Variants in DLG2 observed in about 807,000 individuals in gnomAD.
DLG2 encodes disks large homolog 2.
In DLG2, 45 loss-of-function variants were observed where a neutral mutation model predicts 132.5. The observed-to-expected ratio is 0.34, with a 90% confidence interval of 0.27 to 0.44. The LOEUF (loss-of-function observed/expected upper bound fraction) is 0.44. DLG2 is among the 20% of genes least tolerant of loss of function. The probability of loss-of-function intolerance (pLI) is 1.00; values close to 1 mark genes in which losing one functional copy is unlikely to be tolerated. For missense variants in DLG2, 1,045 were observed against 1,196.9 expected (o/e 0.87, Z 1.87); for synonymous variants, 424 against 419.6 (o/e 1.01, Z -0.13).
intron 6 of DLG2, among the ~76,000 whole-genome samples, chr11:85,005,686 A>G (rs1240451631): frequency 6.6e-6 from 1 of 152,090 alleles, no homozygotes; most frequent in African/African-American, 2.4e-5. Flanking sequence ...GAGACAATTT[A>G]CTTCCTCTCT....
intron 18 of DLG2, among the ~76,000 whole-genome samples, chr11:83,649,005 A>T (rs2069149915): frequency 1.3e-5 from 2 of 152,094 alleles, no homozygotes; most frequent in Non-Finnish European, 2.9e-5. Context: ...TGTGTTGCTA[A>T]AGATTATTAT....
At chr11:84,706,959 G>A (rs1343251758) in intron 6 of DLG2, among the ~76,000 whole-genome samples, 1 of 151,714 alleles carries the variant, frequency 6.6e-6, no homozygotes, top group Non-Finnish European at 1.5e-5. Flanking sequence ...TATATTTAAG[G>A]GAGACTTGTA....
intron 6 of DLG2, among the ~76,000 whole-genome samples, chr11:84,851,361 G>T (rs766826580): frequency 6.6e-6 from 1 of 151,974 alleles, no homozygotes; most frequent in Non-Finnish European, 1.5e-5. Flanking sequence ...CACTATATGA[G>T]TATATGACCT....
intron 14 of DLG2, among the ~76,000 whole-genome samples, chr11:83,950,401 C>T (rs536406859): frequency 7.9e-5 from 12 of 152,220 alleles, no homozygotes; most frequent in African/African-American, 2.4e-4. Context: ...TCGAGACCAG[C>T]CTGACCAAAA....
At chr11:84,239,294 C>T (rs1164562573) in intron 8 of DLG2, among the ~76,000 whole-genome samples, 3 of 151,990 alleles carry the variant, frequency 2.0e-5, no homozygotes, top group South Asian at 2.1e-4. Context: ...GATTCTCATG[C>T]ATCAGCCTCC....
At chr11:85,526,064 T>C (rs780635008) in intron 3 of DLG2, among the ~76,000 whole-genome samples, 41 of 152,218 alleles carry the variant, frequency 2.7e-4, no homozygotes, top group Admixed American at 9.8e-4. Context: ...GTAAACCTTC[T>C]TAATTCACTA....
At chr11:84,541,096 C>T (rs1014403348) in intron 6 of DLG2, among the ~76,000 whole-genome samples, 13 of 151,708 alleles carry the variant, frequency 8.6e-5, no homozygotes, top group African/African-American at 2.2e-4. Context: ...ATGTAAATGA[C>T]GAGTTAATGG....
At chr11:85,219,655 T>C (rs1914373) in intron 4 of DLG2, among the ~76,000 whole-genome samples, 125,572 of 149,436 alleles carry the variant, frequency 0.84, 53,216 homozygotes, top group Non-Finnish European at 0.91. Context: ...TCTCCCTGTG[T>C]ATCTATATCT....
chr11:84,786,489 A>G (rs921114682), intron 6 of DLG2, among the ~76,000 whole-genome samples: 9 of 152,232 alleles, frequency 5.9e-5, no homozygotes, highest in Non-Finnish European at 1.2e-4. Flanking sequence ...AAGAACTACT[A>G]GAAACTACAG....
At chr11:85,523,381 T>C (rs181672468) in intron 3 of DLG2, among the ~76,000 whole-genome samples, 2 of 152,110 alleles carry the variant, frequency 1.3e-5, no homozygotes, top group Non-Finnish European at 2.9e-5. Context: ...AACATCTCTA[T>C]AGGAAAAGAC....
intron 6 of DLG2, among the ~76,000 whole-genome samples, chr11:84,951,069 G>A (rs1271317603): frequency 2.6e-5 from 4 of 152,120 alleles, no homozygotes. Context: ...AATGAATATG[G>A]CTTTCTGTTC....
chr11:85,115,489 A>G (rs1302673921), intron 5 of DLG2, among the ~76,000 whole-genome samples: 1 of 152,022 alleles, frequency 6.6e-6, no homozygotes, highest in Non-Finnish European at 1.5e-5. Context: ...TTATAAAGCA[A>G]TATTACTGAT....
At position 84,962,552 on chromosome 11, in the gene DLG2, T is replaced by C. The variant is rs537765682; in HGVS notation, c.357+149109A>G. Reference sequence around the variant, plus strand: ...TTATTAACTGCAGGGGCCTTGTCTTTTCACTGATGTGTTCATGTCCCTAGC... The same window carrying C: ...TTATTAACTGCAGGGGCCTTGTCTTCTCACTGATGTGTTCATGTCCCTAGC... On this transcript the variant is annotated intron_variant, in intron 6 of 27. Transcript: ENST00000376104. Among the ~76,000 whole-genome samples the C allele has an allele frequency of 6.6e-5, 10 of 152,338 alleles. 1 individual carries two copies. The South Asian group carries it at 2.1e-3, about 32-fold the overall frequency.
chr11:84,648,440 A>C (rs1299985615), intron 6 of DLG2, among the ~76,000 whole-genome samples: 3 of 152,316 alleles, frequency 2.0e-5, no homozygotes, highest in African/African-American at 7.2e-5. Flanking sequence ...ATTGAAATCT[A>C]AGGGGAAGAC....
intron 8 of DLG2, among the ~76,000 whole-genome samples, chr11:84,234,311 C>T (rs771938652): frequency 1.3e-5 from 2 of 152,168 alleles, no homozygotes; most frequent in East Asian, 1.9e-4. Context: ...TTTTAATAAA[C>T]TTTCACTCCT....
chr11:83,910,345 A>T (rs1240738434), intron 15 of DLG2, among the ~76,000 whole-genome samples: 1 of 152,142 alleles, frequency 6.6e-6, no homozygotes, highest in Non-Finnish European at 1.5e-5. Flanking sequence ...GAACTAAGAA[A>T]ATATTCGATT....
At chr11:84,989,385 G>C (rs1046183661) in intron 6 of DLG2, among the ~76,000 whole-genome samples, 4 of 151,890 alleles carry the variant, frequency 2.6e-5, no homozygotes, top group Non-Finnish European at 4.4e-5. Context: ...CATGTTGGCC[G>C]GGGTGGTCTC....
chr11:85,275,416 C>T (rs2077827258), intron 4 of DLG2, among the ~76,000 whole-genome samples: 1 of 152,128 alleles, frequency 6.6e-6, no homozygotes, highest in South Asian at 2.1e-4. Flanking sequence ...ATATTACTTA[C>T]TTTCAATGAC....
chr11:85,196,082 C>T (rs1480115032), intron 4 of DLG2, among the ~76,000 whole-genome samples: 1 of 152,098 alleles, frequency 6.6e-6, no homozygotes, highest in Non-Finnish European at 1.5e-5. Context: ...GCAAATTCCA[C>T]CCAGCGTTGC....
Sources: gnomAD v4.1 joint callset for allele counts (sites outside exome capture counted in the v4.1 genomes callset) on GRCh38, gnomAD v4.1.1 for gene constraint, MANE v1.5 for transcripts, NCBI Gene and HGNC (gene_info 2026-07-23, HGNC 2026-07-21) for gene names.